The following RBM10 variants were observed in gnomAD, a reference collection of about 807,000 sequenced individuals.
The protein encoded by RBM10 is RNA binding motif protein 10.
In RBM10, 1 loss-of-function variant was observed where a neutral mutation model predicts 84.9. The ratio of observed to expected loss-of-function variants is 0.01; its 90% CI spans 0.00 to 0.06. The LOEUF (loss-of-function observed/expected upper bound fraction) is 0.06, where lower values mean the gene tolerates loss of function less well. RBM10 is among the 10% of genes least tolerant of loss of function. The pLI is 1.00. For synonymous variants in RBM10, 326 were observed against 344.5 expected, an observed-to-expected ratio of 0.95 and a Z score of 0.60; for missense variants, 438 against 839.0, an observed-to-expected ratio of 0.52 and a Z score of 5.90.
intron 2 of RBM10, among the ~76,000 whole-genome samples, chrX:47,161,536 T>TGA (rs376441587): frequency 0.063 from 3,879 of 61,974 alleles, 449 homozygotes; most frequent in African/African-American, 0.26. Context: ...TTTTTTTTAG[T>TGA]GAGAGAGAGA....
chrX:47,161,536 T>TGAGAGA (rs376441587), intron 2 of RBM10, among the ~76,000 whole-genome samples: 2,763 of 62,105 alleles, frequency 0.044, 234 homozygotes, highest in African/African-American at 0.18. Context: ...TTTTTTTTAG[T>TGAGAGA]GAGAGAGAGA....
At chrX:47,178,849 G>A (rs1315940614) in intron 7 of RBM10, among the ~76,000 whole-genome samples, 2 of 111,991 alleles carry the variant, frequency 1.8e-5, no homozygotes, top group Non-Finnish European at 1.9e-5. Context: ...AGAGGAGGGA[G>A]TTGTTGTACC....
intron 2 of RBM10, among the ~76,000 whole-genome samples, chrX:47,168,040 T>C (rs1934361715): frequency 8.9e-6 from 1 of 112,386 alleles, no homozygotes; most frequent in African/African-American, 3.2e-5. Flanking sequence ...CCGACCAGAA[T>C]TGGAATCCTG....
chrX:47,166,413 A>G (rs1446286370), intron 2 of RBM10, among the ~76,000 whole-genome samples: 1 of 111,724 alleles, frequency 9.0e-6, no homozygotes, highest in Non-Finnish European at 1.9e-5. Flanking sequence ...CAAGTAAAAT[A>G]AAATTTATTT....
chrX:47,180,966 A>G (rs1441396259), intron 12 of RBM10, among the ~76,000 whole-genome samples: 3 of 111,591 alleles, frequency 2.7e-5, no homozygotes, highest in East Asian at 5.6e-4. Context: ...CGCCACACAC[A>G]GCAGAATCAG....
intron 2 of RBM10, chrX:47,156,944 C>T: frequency 4.3e-6 from 1 of 233,275 alleles, no homozygotes; most frequent in Middle Eastern, 7.2e-4. Flanking sequence ...CGATGTGGTT[C>T]CAGAGGTCTG....
At chrX:47,152,830 G>C (rs1016648716) in intron 2 of RBM10, among the ~76,000 whole-genome samples, 11 of 100,340 alleles carry the variant, frequency 1.1e-4, no homozygotes, top group African/African-American at 4.1e-4. Context: ...TTTTTTAATC[G>C]TTTGAGTTGG....
rs2147065611 is a variant in RBM10, at chrX:47,147,470, C to G, written c.-12C>G. On this transcript the variant is annotated 5_prime_UTR_variant, in exon 2 of 24. Transcript: ENST00000377604. ...GAGGGGCCCCAGCAGCCCCCGAAGGCCCTATCAGGACATGGAGTATGAAAG... is the reference window on the plus strand; with the variant it reads ...GAGGGGCCCCAGCAGCCCCCGAAGGGCCTATCAGGACATGGAGTATGAAAG... The G allele has an allele frequency of 8.3e-7, 1 of 1,211,484 alleles. No homozygotes were observed. The highest frequency in any genetic ancestry group is 1.1e-6 in the Non-Finnish European group (1 of 895,313).
chrX:47,185,892 G>A (rs782536749), intron 21 of RBM10, 102 bp downstream of exon 21: 2 of 1,169,852 alleles, frequency 1.7e-6, no homozygotes, highest in African/African-American at 3.5e-5. Flanking sequence ...AACCCCGTGA[G>A]CCTTCTTCCC....
At position 47,179,427 on chromosome X, in the gene RBM10, C is replaced by T. The variant is rs2147168831; in HGVS notation, c.833C>T (p.Ala278Val). ...CTTCCCCTGCCGCAGCCCTACCAGG[C>T]CCAGGGAGTCCTGGCCTCCCAAGCC... is the stretch of plus-strand genomic sequence containing the variant. ...GLLPLPQPYQ[A>V]QGVLASQALS... The change falls in exon 9 of 24, where the codon GCC (alanine) becomes GTC (valine). Residue 278 changes from alanine (A) to valine (V), a missense_variant. By Grantham distance (64) the Ala-to-Val change is moderately conservative. Around this residue, in one of 8 missense-constraint regions of RBM10, gnomAD observed 36 missense variants for 45.3 expected, o/e 0.79. Coordinates refer to ENST00000377604, the MANE Select transcript of RBM10 (RefSeq NM_005676.5). 8.3e-7 allele frequency: 1 copy of T among 1,203,227 alleles called. No homozygotes were observed. Among genetic ancestry groups the T allele is most frequent in the African/African-American group, 1.7e-5 (1 of 57,849 alleles).
intron 2 of RBM10, among the ~76,000 whole-genome samples, chrX:47,160,791 T>C (rs1933618584): frequency 8.9e-6 from 1 of 111,799 alleles, no homozygotes; most frequent in African/African-American, 3.2e-5. Flanking sequence ...AGAAGTGAGG[T>C]AAACTTTGTT....
At chrX:47,182,365 G>A (rs2147200926) in intron 17 of RBM10, 39 bp downstream of exon 17, 1 of 1,183,474 alleles carries the variant, frequency 8.4e-7, no homozygotes. Flanking sequence ...CTGGCTGTGT[G>A]GTGTCTTCCA....
intron 2 of RBM10, among the ~76,000 whole-genome samples, chrX:47,168,547 CA>C (rs1362795527): frequency 8.7e-5 from 9 of 103,108 alleles, no homozygotes; most frequent in South Asian, 8.3e-4. Context: ...GATCCATTCT[CA>C]AAAAAAAAAG....
intron 2 of RBM10, among the ~76,000 whole-genome samples, chrX:47,164,694 G>A (rs1161989804): frequency 9.0e-6 from 1 of 111,660 alleles, no homozygotes; most frequent in Non-Finnish European, 1.9e-5. Flanking sequence ...TACAGCTGCT[G>A]TGGAAAACAG....
intron 2 of RBM10, among the ~76,000 whole-genome samples, chrX:47,166,419 T>A (rs73486227): frequency 0.073 from 8,087 of 111,440 alleles, 462 homozygotes; most frequent in Admixed American, 0.27. Context: ...AAATAAAATT[T>A]ATTTTGAAAC....
intron 6 of RBM10, 57 bp downstream of exon 6, chrX:47,175,149 C>T (rs1452230165): frequency 5.6e-6 from 5 of 892,797 alleles, no homozygotes; most frequent in Admixed American, 2.5e-5. Flanking sequence ...TAATCGAGCG[C>T]TCCCCATCGC....
At chrX:47,156,261 T>A in intron 2 of RBM10, among the ~76,000 whole-genome samples, 1 of 112,248 alleles carries the variant, frequency 8.9e-6, no homozygotes, top group East Asian at 2.8e-4. Context: ...TTTGTCTTGC[T>A]GAGGAAGGCC....
In RBM10 at chrX:47,145,253, C is replaced by A. The variant is rs1246869518; in HGVS notation, c.-358C>A. ...GGATGGTGGTCGGAGCGCCGACTCC[C>A]TTCTCGTCGTCGCCATTTTGAGCTG... is the stretch of plus-strand genomic sequence containing the variant. On this transcript the variant is annotated 5_prime_UTR_variant, in exon 1 of 24. Coordinates refer to ENST00000377604, the MANE Select transcript of RBM10 (RefSeq NM_005676.5). 3 of 488,553 alleles carry A rather than the reference C, an allele frequency of 6.1e-6. No individual in the cohort carries two copies. In the African/African-American group the frequency reaches 7.0e-5, roughly 11 times the overall value. 40.3% of individuals were successfully genotyped at this position (488,553 alleles called of 1,213,427 possible). A position where few individuals can be genotyped will look rare whatever the true frequency, so the allele number is the denominator to read the frequency against.
intron 2 of RBM10, among the ~76,000 whole-genome samples, chrX:47,160,790 G>A (rs1435343195): frequency 9.0e-6 from 1 of 111,568 alleles, no homozygotes; most frequent in African/African-American, 3.3e-5. Context: ...AAGAAGTGAG[G>A]TAAACTTTGT....
Sources: allele counts gnomAD v4.1 joint callset (sites outside exome capture counted in the v4.1 genomes callset), GRCh38; gene constraint gnomAD v4.1.1; regional missense constraint gnomAD v4.1.1; transcripts MANE v1.5; gene names NCBI Gene and HGNC (gene_info 2026-07-23, HGNC 2026-07-21).